RAB27A: variants seen among roughly 807,000 people sequenced by gnomAD.
RAB27A encodes the protein ras-related protein Rab-27A.
In RAB27A, 17 loss-of-function variants were observed where a neutral mutation model predicts 20.8. That is an observed-to-expected ratio of 0.82 (90% confidence interval 0.56 to 1.23). The LOEUF (loss-of-function observed/expected upper bound fraction) is 1.23, where lower values mean the gene tolerates loss of function less well. Ranked by LOEUF, RAB27A falls within the 50% of genes most tolerant of loss-of-function variation. The pLI, the probability that RAB27A is intolerant of heterozygous loss-of-function variation, is 0.00. For synonymous variants in RAB27A, 85 were observed against 92.8 expected, an observed-to-expected ratio of 0.92 and a Z score of 0.48; for missense variants, 277 against 266.7, an observed-to-expected ratio of 1.04 and a Z score of -0.27.
intron 1 of RAB27A, among the ~76,000 whole-genome samples, chr15:55,278,482 A>ATTTT (rs11290945): frequency 2.2e-5 from 3 of 137,434 alleles, no homozygotes; most frequent in Non-Finnish European, 4.7e-5. Flanking sequence ...AATCATTATT[A>ATTTT]TTTTTTTTTT....
chr15:55,313,326 C>G (rs2055029210), intron 2 of RAB27A, among the ~76,000 whole-genome samples: 1 of 152,022 alleles, frequency 6.6e-6, no homozygotes, highest in Non-Finnish European at 1.5e-5. Flanking sequence ...ATCACGTGAG[C>G]CCAGGAGTTC....
intron 1 of RAB27A, among the ~76,000 whole-genome samples, chr15:55,287,457 C>T (rs937992505): frequency 3.3e-5 from 5 of 152,132 alleles, no homozygotes; most frequent in Non-Finnish European, 5.9e-5. Context: ...CTTTAAATTT[C>T]ATGTGGAAGG....
At chr15:55,223,240 C>T (rs968163142) in intron 6 of RAB27A, among the ~76,000 whole-genome samples, 1 of 152,158 alleles carries the variant, frequency 6.6e-6, no homozygotes, top group African/African-American at 2.4e-5. Context: ...GGTGTGGTGG[C>T]TCATACCTGT....
At chr15:55,287,700 TC>T (rs1898194410) in intron 1 of RAB27A, among the ~76,000 whole-genome samples, 1 of 151,458 alleles carries the variant, frequency 6.6e-6, no homozygotes, top group Non-Finnish European at 1.5e-5. Context: ...TGAGCTGAGA[TC>T]GTGCCATTGC....
upstream of RAB27A, among the ~76,000 whole-genome samples, chr15:55,294,235 T>C (rs1046893152): frequency 2.6e-5 from 4 of 152,084 alleles, no homozygotes; most frequent in African/African-American, 9.7e-5. Flanking sequence ...GATCTTTCAA[T>C]GGAGAAAGAA....
At chr15:55,236,373 T>G (rs1359160743) in intron 2 of RAB27A, among the ~76,000 whole-genome samples, 1 of 152,166 alleles carries the variant, frequency 6.6e-6, no homozygotes, top group Admixed American at 6.5e-5. Context: ...GCCAGACTTC[T>G]CTAGAGTATC....
chr15:55,265,904 TTG>T (rs1897461669), intron 2 of RAB27A, among the ~76,000 whole-genome samples: 1 of 152,166 alleles, frequency 6.6e-6, no homozygotes, highest in Non-Finnish European at 1.5e-5. Context: ...ACTAAAAAGT[TTG>T]TGTGTTATCC....
chr15:55,215,885 G>A (rs1895273579), intron 6 of RAB27A, among the ~76,000 whole-genome samples: 1 of 147,740 alleles, frequency 6.8e-6, no homozygotes, highest in Admixed American at 6.8e-5. Context: ...GGCGGAGGTT[G>A]CAGTGAGCCG....
chr15:55,240,260 T>A (rs984302638), intron 2 of RAB27A, among the ~76,000 whole-genome samples: 3 of 152,138 alleles, frequency 2.0e-5, no homozygotes, highest in African/African-American at 7.2e-5. Context: ...GAACACACAG[T>A]ACCAGAATTT....
intron 1 of RAB27A, among the ~76,000 whole-genome samples, chr15:55,288,552 T>C (rs1031436670): frequency 6.6e-6 from 1 of 150,380 alleles, no homozygotes; most frequent in African/African-American, 2.5e-5. Context: ...AGATTAAATA[T>C]ACTTCAACGA....
At chr15:55,269,531 G>C (rs575615651) in intron 2 of RAB27A, among the ~76,000 whole-genome samples, 33 of 152,276 alleles carry the variant, frequency 2.2e-4, no homozygotes, top group Non-Finnish European at 3.8e-4. Flanking sequence ...AAGATCACTT[G>C]AGGTCAGGAG....
chr15:55,213,827 C>T (rs145451166), intron 6 of RAB27A, among the ~76,000 whole-genome samples: 7 of 151,894 alleles, frequency 4.6e-5, no homozygotes, highest in South Asian at 2.1e-4. Context: ...TATGGTGAGC[C>T]GTATAATTAT....
intron 2 of RAB27A, among the ~76,000 whole-genome samples, chr15:55,249,454 C>T (rs532104872): frequency 1.5e-3 from 222 of 152,192 alleles, no homozygotes; most frequent in Non-Finnish European, 2.6e-3. Context: ...CTTTTTAATT[C>T]TTTTTGGAAG....
chr15:55,318,000 A>G (rs950289910), intron 1 of RAB27A: 1 of 330,698 alleles, frequency 3.0e-6, no homozygotes, highest in African/African-American at 2.1e-5. Context: ...ATATAAATAC[A>G]TAAGGAGTAC....
chr15:55,317,938 T>C (rs1465364582), intron 1 of RAB27A: 4 of 383,158 alleles, frequency 1.0e-5, no homozygotes, highest in Admixed American at 4.5e-5. Context: ...ATGTCACTAC[T>C]TTGCACTGGA....
At chr15:55,303,279 T>A (rs868396249) in intron 2 of RAB27A, among the ~76,000 whole-genome samples, 6 of 69,454 alleles carry the variant, frequency 8.6e-5, no homozygotes, top group African/African-American at 2.8e-4. Context: ...GCCCCCCGCC[T>A]GGCCAGCCGC....
intron 2 of RAB27A, among the ~76,000 whole-genome samples, chr15:55,253,451 G>GA (rs34206453): frequency 0.45 from 64,470 of 143,996 alleles, 15,042 homozygotes; most frequent in Non-Finnish European, 0.54. Flanking sequence ...CGTCTCAAAG[G>GA]AAAAAAAAAA....
chr15:55,234,240 A>AAAAT (rs1298518835), intron 3 of RAB27A, among the ~76,000 whole-genome samples: 2 of 152,168 alleles, frequency 1.3e-5, no homozygotes, highest in Non-Finnish European at 2.9e-5. Flanking sequence ...AAGTCCTTAA[A>AAAAT]AAATAAATAA....
At position 55,227,913 on chromosome 15, in the gene RAB27A, G is replaced by C. The variant is rs147868307; in HGVS notation, c.343+696C>G. Among the ~76,000 whole-genome samples, 26 of 152,202 alleles carry C rather than the reference G, an allele frequency of 1.7e-4. No individual in the cohort carries two copies. The East Asian group carries it at 5.0e-3, about 29-fold the overall frequency. ...CAGCCTTCCCTAATAGATTCTCTAG[G>C]GTTACACTAACATGACCAAACAGGG... On this transcript the variant is annotated intron_variant, in intron 5 of 6. Coordinates refer to ENST00000336787, the MANE Select transcript of RAB27A (RefSeq NM_183235.3).
Sources: allele counts gnomAD v4.1 joint callset (sites outside exome capture counted in the v4.1 genomes callset), GRCh38; gene constraint gnomAD v4.1.1; transcripts MANE v1.5; gene names NCBI Gene and HGNC (gene_info 2026-07-23, HGNC 2026-07-21).